Variants in GRM8 observed in about 807,000 individuals in gnomAD.
GRM8 encodes metabotropic glutamate receptor 8.
Under a neutral mutation model 87.2 loss-of-function variants are expected in GRM8, and 47 were observed. That is an observed-to-expected ratio of 0.54 (90% confidence interval 0.43 to 0.69). The LOEUF (loss-of-function observed/expected upper bound fraction) is 0.69, where lower values mean the gene tolerates loss of function less well. Ranked by LOEUF, GRM8 falls within the 30% of genes least tolerant of loss-of-function variation. The pLI is 0.00. For missense variants in GRM8, 1,019 were observed against 1,139.2 expected (o/e 0.89, Z 1.52); for synonymous variants, 396 against 404.5 (o/e 0.98, Z 0.25).
At chr7:126,957,290 CA>C (rs1219425150) in intron 3 of GRM8, among the ~76,000 whole-genome samples, 1 of 152,192 alleles carries the variant, frequency 6.6e-6, no homozygotes, top group African/African-American at 2.4e-5. Flanking sequence ...ATTACATAAC[CA>C]TGAGGTCTCT....
At chr7:126,593,734 A>C (rs758871098) in intron 8 of GRM8, among the ~76,000 whole-genome samples, 1 of 152,122 alleles carries the variant, frequency 6.6e-6, no homozygotes, top group Non-Finnish European at 1.5e-5. Flanking sequence ...AAACAAAAGC[A>C]AAAATAAATG....
intron 3 of GRM8, among the ~76,000 whole-genome samples, chr7:127,105,551 C>G (rs1825726812): frequency 6.6e-6 from 1 of 152,122 alleles, no homozygotes; most frequent in Non-Finnish European, 1.5e-5. Context: ...CCAAATCATT[C>G]CCATGATCTT....
At chr7:127,008,422 A>C (rs1476526542) in intron 3 of GRM8, among the ~76,000 whole-genome samples, 1 of 152,104 alleles carries the variant, frequency 6.6e-6, no homozygotes, top group Admixed American at 6.6e-5. Flanking sequence ...CTATATTTTA[A>C]AGTAAATTCA....
chr7:126,892,120 T>C (rs1801095720), intron 6 of GRM8, among the ~76,000 whole-genome samples: 1 of 151,736 alleles, frequency 6.6e-6, no homozygotes, highest in African/African-American at 2.4e-5. Context: ...GTATAACTTT[T>C]TACATTTTTA....
At chr7:126,528,011 C>A (rs1049800607) in intron 9 of GRM8, among the ~76,000 whole-genome samples, 1 of 152,154 alleles carries the variant, frequency 6.6e-6, no homozygotes, top group Admixed American at 6.5e-5. Context: ...TGAGACCATC[C>A]TGGCCAACAT....
intron 2 of GRM8, among the ~76,000 whole-genome samples, chr7:127,115,021 G>C (rs975433948): frequency 6.6e-6 from 1 of 152,128 alleles, no homozygotes; most frequent in Non-Finnish European, 1.5e-5. Flanking sequence ...CAGTTACAGA[G>C]TCATGAACGG....
intron 2 of GRM8, among the ~76,000 whole-genome samples, chr7:127,240,615 G>A (rs1798236652): frequency 6.6e-6 from 1 of 152,150 alleles, no homozygotes; most frequent in East Asian, 1.9e-4. Flanking sequence ...AAACCAAAAG[G>A]AGAAGATTCT....
intron 7 of GRM8, among the ~76,000 whole-genome samples, chr7:126,629,811 A>G (rs911307740): frequency 2.6e-5 from 4 of 152,182 alleles, no homozygotes; most frequent in Non-Finnish European, 4.4e-5. Context: ...CACTGCACGC[A>G]TAACAATGTG....
At chr7:126,440,596 C>G (rs529167332) in intron 10 of GRM8, among the ~76,000 whole-genome samples, 1 of 151,970 alleles carries the variant, frequency 6.6e-6, no homozygotes, top group African/African-American at 2.4e-5. Context: ...TGTATCTTTA[C>G]TATGTTTAGA....
At chr7:126,660,978 A>G (rs555744143) in intron 7 of GRM8, among the ~76,000 whole-genome samples, 1 of 152,316 alleles carries the variant, frequency 6.6e-6, no homozygotes, top group Admixed American at 6.5e-5. Flanking sequence ...TGAGATAGAG[A>G]ATAGAAGGTT....
At chr7:126,687,923 G>A (rs1053023713) in intron 7 of GRM8, among the ~76,000 whole-genome samples, 28 of 151,522 alleles carry the variant, frequency 1.8e-4, no homozygotes, top group African/African-American at 6.5e-4. Flanking sequence ...TCTTTGTATT[G>A]GTGAAGTAAG....
chr7:126,829,430 T>A (rs1406746598), intron 6 of GRM8, among the ~76,000 whole-genome samples: 2 of 134,096 alleles, frequency 1.5e-5, no homozygotes, highest in African/African-American at 5.7e-5. Flanking sequence ...CTCTTCTTGT[T>A]GAATTGATCC....
At chr7:127,154,909 A>T (rs11980964) in intron 2 of GRM8, among the ~76,000 whole-genome samples, 28,513 of 152,140 alleles carry the variant, frequency 0.19, 3,038 homozygotes, top group Non-Finnish European at 0.24. Flanking sequence ...GATGTATAAA[A>T]TATAACAAAA....
At chr7:126,746,564 C>T (rs1585760244) in intron 7 of GRM8, among the ~76,000 whole-genome samples, 1 of 151,752 alleles carries the variant, frequency 6.6e-6, no homozygotes, top group Middle Eastern at 3.4e-3. Flanking sequence ...CAGTTTTACA[C>T]ATTTATGTTA....
At chr7:126,767,304 C>T (rs1818293945) in intron 7 of GRM8, among the ~76,000 whole-genome samples, 3 of 152,074 alleles carry the variant, frequency 2.0e-5, no homozygotes, top group Non-Finnish European at 1.5e-5. Context: ...ACTATACTTT[C>T]AGTGTTATAA....
chr7:127,066,139 A>C (rs1168360259), intron 3 of GRM8, among the ~76,000 whole-genome samples: 1 of 152,212 alleles, frequency 6.6e-6, no homozygotes, highest in African/African-American at 2.4e-5. Context: ...AAGAAACCTT[A>C]TGTCATTTAT....
intron 2 of GRM8, among the ~76,000 whole-genome samples, chr7:127,211,950 T>G (rs1452330764): frequency 6.6e-6 from 1 of 152,236 alleles, no homozygotes; most frequent in Non-Finnish European, 1.5e-5. Flanking sequence ...ATAATTTCAC[T>G]ATTACCCCAT....
intron 9 of GRM8, among the ~76,000 whole-genome samples, chr7:126,459,716 T>G (rs1284225904): frequency 6.6e-6 from 1 of 151,474 alleles, no homozygotes; most frequent in African/African-American, 2.4e-5. Flanking sequence ...ATCCCTGGGC[T>G]ATCTCTGGGG....
chr7:126,694,651 T>C (rs1809185364), intron 7 of GRM8, among the ~76,000 whole-genome samples: 1 of 152,226 alleles, frequency 6.6e-6, no homozygotes, highest in Admixed American at 6.5e-5. Flanking sequence ...AGAAAGCTCT[T>C]GAGTGTTGAA....
Sources: allele counts gnomAD v4.1 joint callset (sites outside exome capture counted in the v4.1 genomes callset), GRCh38; gene constraint gnomAD v4.1.1; transcripts MANE v1.5; gene names NCBI Gene and HGNC (gene_info 2026-07-23, HGNC 2026-07-21).